Variants in MYO9A observed in about 807,000 individuals in gnomAD.
MYO9A encodes the protein unconventional myosin-IXa.
In MYO9A, 103 loss-of-function variants were observed where a neutral mutation model predicts 293.3. That is an observed-to-expected ratio of 0.35 (90% CI 0.30 to 0.41). MYO9A has a LOEUF of 0.41. MYO9A is among the 10% of genes least tolerant of loss of function. MYO9A has a pLI of 1.00. For synonymous variants in MYO9A, 1,001 were observed against 1,035.7 expected (o/e 0.97, Z 0.64); for missense variants, 2,685 against 3,033.0 (o/e 0.89, Z 2.69).
intron 11 of MYO9A, among the ~76,000 whole-genome samples, chr15:71,987,093 C>T (rs1057090611): frequency 1.3e-5 from 2 of 152,074 alleles, no homozygotes; most frequent in East Asian, 3.9e-4. Flanking sequence ...CAGTTGCCTA[C>T]AATATTCAGT....
intron 1 of MYO9A, among the ~76,000 whole-genome samples, chr15:72,073,611 C>T (rs2079258868): frequency 6.6e-6 from 1 of 152,076 alleles, no homozygotes; most frequent in Non-Finnish European, 1.5e-5. Context: ...TTCAACATGG[C>T]AATGATTTTA....
intron 12 of MYO9A, 103 bp downstream of exon 12, chr15:71,978,068 A>G (rs2076187105): frequency 7.7e-7 from 1 of 1,302,106 alleles, no homozygotes; most frequent in Non-Finnish European, 1.1e-6. Flanking sequence ...TTGTACAAAA[A>G]AAATTTGGCT....
In MYO9A at chr15:71,825,745, A is replaced by G. The variant is rs1194985707; in HGVS notation, c.*835T>C. 6.6e-6 allele frequency: 1 copy of G among 152,184 alleles called. No individual in the cohort carries two copies. The highest frequency in any genetic ancestry group is 2.4e-5 in the African/African-American group (1 of 41,444). 9.4% of individuals were successfully genotyped at this position (152,184 alleles called of 1,614,324 possible). On this transcript the variant is annotated 3_prime_UTR_variant, in exon 42 of 42. Transcript: ENST00000356056. ...AACCTTCATAAGTTTAGGGATCACC[A>G]TGTCTCTGGGAAACTAAAAAATAAT...
intron 25 of MYO9A, among the ~76,000 whole-genome samples, chr15:71,894,133 T>C (rs1030714164): frequency 1.3e-5 from 2 of 152,196 alleles, no homozygotes; most frequent in Non-Finnish European, 2.9e-5. Flanking sequence ...ACAAGGGGCC[T>C]TTCCATCTAA....
intron 11 of MYO9A, among the ~76,000 whole-genome samples, chr15:71,986,415 T>C (rs2076408697): frequency 6.6e-6 from 1 of 152,210 alleles, no homozygotes. Context: ...TTACAGTCTC[T>C]ACCACTACCT....
At chr15:72,068,484 CTCTT>C (rs1261742245) in intron 1 of MYO9A, among the ~76,000 whole-genome samples, 7 of 116,384 alleles carry the variant, frequency 6.0e-5, no homozygotes, top group African/African-American at 2.1e-4. Context: ...ATCCCAATTT[CTCTT>C]TTTTTTTTTT....
intron 11 of MYO9A, among the ~76,000 whole-genome samples, chr15:71,984,918 G>A (rs1242637968): frequency 1.3e-5 from 2 of 151,914 alleles, no homozygotes; most frequent in Admixed American, 1.3e-4. Context: ...TTTCTCTTGG[G>A]ATATTTTGTT....
chr15:71,903,036 G>A lies in MYO9A; in HGVS notation c.2905C>T (p.Leu969Phe). ...QDFVSHFHVL[L>F]PRNIIPSKFN... ...TTGGATGGAATAATATTTCGGGGAA[G>A]AAGTACATGGAAGTGGCTCACAAAA... Residue 969 changes from leucine to phenylalanine, a missense_variant, in exon 22 of 42, where the codon CTT (leucine) becomes TTT (phenylalanine). By Grantham distance (22) the Leu-to-Phe change is conservative (BLOSUM62 0). Transcript: ENST00000356056. 4.4e-6 allele frequency: 7 copies of A among 1,588,932 alleles called. No homozygotes were observed. The highest frequency in any genetic ancestry group is 6.0e-6 in the Non-Finnish European group (7 of 1,165,184).
At chr15:71,851,442 A>C in intron 36 of MYO9A, 84 bp from the exon 37 acceptor site, 2 of 1,091,134 alleles carry the variant, frequency 1.8e-6, no homozygotes, top group Non-Finnish European at 2.6e-6. Flanking sequence ...GAAGCAAAGA[A>C]GGCTGGCTAC....
At position 72,037,329 on chromosome 15, in the gene MYO9A, G is replaced by A. The variant is rs2078084352; in HGVS notation, c.841-4741C>T. ...AAGCTGGTGAATAATATGTACAAAG[G>A]GGACTCTGAAAACATCTGAAATATT... On this transcript the variant is annotated intron_variant, in intron 2 of 41. Transcript: ENST00000356056. Among the ~76,000 whole-genome samples, 3 of 151,446 alleles carry A rather than the reference G, an allele frequency of 2.0e-5. No individual in the cohort carries two copies. In the South Asian group the frequency reaches 6.3e-4, roughly 32 times the overall value.
intron 14 of MYO9A, 198 bp downstream of exon 14, chr15:71,959,703 G>T: frequency 1.7e-6 from 1 of 575,904 alleles, no homozygotes; most frequent in Non-Finnish European, 3.1e-6. Context: ...TTTAAAGGCA[G>T]TATAACTCTT....
chr15:72,049,680 A>G (rs181888454), intron 1 of MYO9A, among the ~76,000 whole-genome samples: 18 of 152,358 alleles, frequency 1.2e-4, no homozygotes, highest in African/African-American at 3.8e-4. Flanking sequence ...ATTAAGCACT[A>G]TTGTGAACTG....
In MYO9A at chr15:71,878,059, G is replaced by A. The variant is rs148435644; in HGVS notation, c.5912C>T (p.Ser1971Leu). Residue 1971 changes from serine (S) to leucine (L), a missense_variant, in exon 31 of 42, where the codon TCA becomes TTA. This residue lies in a region of MYO9A where 1,434 missense variants were observed against 1,497.7 expected (regional missense o/e 0.96). Coordinates refer to ENST00000356056, the MANE Select transcript of MYO9A (RefSeq NM_006901.4). ...ATTTACCTTTGTGGCTGTGCAATCT[G>A]AAGTCTTGAATTCATTCATATATTC... is the stretch of plus-strand genomic sequence containing the variant. ...LDEYMNEFKTSDCTATKVPKT... is the reference protein window; with the variant it reads ...LDEYMNEFKTLDCTATKVPKT... 0.027 allele frequency: 42,830 copies of A among 1,602,286 alleles called. 710 individuals carry two copies. Among genetic ancestry groups the A allele is most frequent in the Non-Finnish European group, 0.032 (37,153 of 1,176,080 alleles).
At chr15:72,029,668 C>G (rs761040803) in intron 3 of MYO9A, among the ~76,000 whole-genome samples, 16 of 152,258 alleles carry the variant, frequency 1.1e-4, no homozygotes, top group Non-Finnish European at 2.1e-4. Flanking sequence ...GCCAGAAGAA[C>G]GAACTTTATC....
chr15:72,060,025 C>G (rs2078834457), intron 1 of MYO9A, among the ~76,000 whole-genome samples: 1 of 152,192 alleles, frequency 6.6e-6, no homozygotes, highest in Non-Finnish European at 1.5e-5. Flanking sequence ...AGTTGCCTCT[C>G]CCACAGTCTT....
At position 71,880,591 on chromosome 15, in the gene MYO9A, C is replaced by T. The variant is rs1045695804; in HGVS notation, c.5399-33G>A. 3.2e-6 allele frequency: 5 copies of T among 1,542,632 alleles called. No homozygotes were observed. In the Admixed American group the frequency reaches 7.4e-5, roughly 23 times the overall value. On this transcript the variant is annotated intron_variant, in intron 28 of 41. Coordinates refer to ENST00000356056, the MANE Select transcript of MYO9A (RefSeq NM_006901.4). Reference sequence around the variant, plus strand: ...TCAAGATAGAAGACCCAAAAGGACACATTTAGTAAATATATTGATAATCTT... The same window carrying T: ...TCAAGATAGAAGACCCAAAAGGACATATTTAGTAAATATATTGATAATCTT...
chr15:71,825,998 T>TTGTTTTG lies in MYO9A; in HGVS notation c.*581_*582insCAAAACA, dbSNP rs796752047. On this transcript the variant is annotated 3_prime_UTR_variant, in exon 42 of 42. Transcript: ENST00000356056. ...GAAACAATCACGGTTTTTTTTTGTT[T>TTGTTTTG]TTTTTTTTTTGTTTTTTTTTTTTGT... 1 of 120,408 alleles carries TTGTTTTG rather than the reference T, an allele frequency of 8.3e-6. No homozygotes were observed. The highest frequency in any genetic ancestry group is 1.7e-5 in the Non-Finnish European group (1 of 59,554). 7.5% of individuals were successfully genotyped at this position (120,408 alleles called of 1,614,324 possible). A position where few individuals can be genotyped will look rare whatever the true frequency, so the allele number is the denominator to read the frequency against.
chr15:71,979,655 C>T (rs1249102775), intron 11 of MYO9A, among the ~76,000 whole-genome samples: 1 of 152,196 alleles, frequency 6.6e-6, no homozygotes, highest in African/African-American at 2.4e-5. Context: ...CACTCAGCTA[C>T]ATATTGTCTA....
intron 7 of MYO9A, among the ~76,000 whole-genome samples, chr15:72,009,758 G>A (rs1021508369): frequency 6.6e-6 from 1 of 151,896 alleles, no homozygotes; most frequent in Admixed American, 6.6e-5. Flanking sequence ...TCATCAGCAC[G>A]ACTCTCCCCT....
Sources: allele counts gnomAD v4.1 joint callset (sites outside exome capture counted in the v4.1 genomes callset), GRCh38; gene constraint gnomAD v4.1.1; regional missense constraint gnomAD v4.1.1; transcripts MANE v1.5; gene names NCBI Gene and HGNC (gene_info 2026-07-23, HGNC 2026-07-21).